IKBKB-DT: variants seen among roughly 807,000 people sequenced by gnomAD.
IKBKB-DT encodes the protein IKBKB antisense RNA.
At chr8:42,252,867 G>A (rs560797559) in intron 3 of IKBKB-DT, among the ~76,000 whole-genome samples, 19 of 152,238 alleles carry the variant, frequency 1.2e-4, no homozygotes, top group Admixed American at 4.6e-4. Flanking sequence ...GTATTGTGAC[G>A]TACTTTCCAA....
chr8:42,268,915 T>G (rs1341674405), intron 1 of IKBKB-DT, among the ~76,000 whole-genome samples: 3 of 152,206 alleles, frequency 2.0e-5, no homozygotes, highest in Non-Finnish European at 4.4e-5. Flanking sequence ...ACACTTATAT[T>G]GCACTTAGAC....
At chr8:42,239,635 T>TATATATATATATATATATATATATATA (rs56036653) in intron 3 of IKBKB-DT, among the ~76,000 whole-genome samples, 2 of 54,118 alleles carry the variant, frequency 3.7e-5, no homozygotes, top group African/African-American at 1.1e-4. Context: ...TATATATATA[T>TATATATATATATATATATATATATATA]TTATTTATTT....
At chr8:42,259,009 G>C (rs1302948067) in intron 3 of IKBKB-DT, among the ~76,000 whole-genome samples, 1 of 151,756 alleles carries the variant, frequency 6.6e-6, no homozygotes, top group East Asian at 1.9e-4. Context: ...TTTTTTCATA[G>C]CAGTTTTTCT....
chr8:42,233,731 G>A (rs1277877516), exon 4 of IKBKB-DT: 1 of 152,202 alleles, frequency 6.6e-6, no homozygotes, highest in Non-Finnish European at 1.5e-5. Flanking sequence ...CAGCAGTCGG[G>A]AGCAGAGTTT....
rs1287944961 is a variant in IKBKB-DT at position 42,239,632 on chromosome 8, A to ATATATATATT, written n.1530-5774_1530-5773insAATATATATA. Among the ~76,000 whole-genome samples, 31 of 86,968 alleles carry ATATATATATT rather than the reference A, an allele frequency of 3.6e-4. 1 individual carries two copies. The highest frequency in any genetic ancestry group is 1.0e-3 in the African/African-American group (24 of 23,052). The allele number at this position is 86,968 out of a possible 152,430, so 57.1% of individuals were successfully genotyped here. On this transcript the variant is annotated intron_variant and non_coding_transcript_variant, in intron 3 of 3. Transcript: ENST00000518213. ...AGGCAATTTATATATATATATATAT[A>ATATATATATT]TATTTATTTATTTATTCATTTTTTT...
intron 3 of IKBKB-DT, among the ~76,000 whole-genome samples, chr8:42,246,936 T>C (rs1807072127): frequency 6.6e-6 from 1 of 152,140 alleles, no homozygotes; most frequent in African/African-American, 2.4e-5. Flanking sequence ...GCAGACAACC[T>C]AGATCCCTCA....
At chr8:42,266,823 T>C (rs894089949) in intron 1 of IKBKB-DT, among the ~76,000 whole-genome samples, 3 of 152,068 alleles carry the variant, frequency 2.0e-5, no homozygotes, top group Non-Finnish European at 2.9e-5. Flanking sequence ...ACAAATGCCA[T>C]GGCAACATCA....
intron 3 of IKBKB-DT, among the ~76,000 whole-genome samples, chr8:42,261,389 G>A (rs1302894432): frequency 2.0e-5 from 3 of 151,986 alleles, no homozygotes; most frequent in Non-Finnish European, 2.9e-5. Context: ...ATGAGACCCA[G>A]AAAGGCATTT....
chr8:42,236,567 C>T (rs1334851362), intron 3 of IKBKB-DT, among the ~76,000 whole-genome samples: 2 of 152,118 alleles, frequency 1.3e-5, no homozygotes, highest in Non-Finnish European at 2.9e-5. Flanking sequence ...GAGTTTGAGA[C>T]CAGCCTGACC....
intron 3 of IKBKB-DT, among the ~76,000 whole-genome samples, chr8:42,242,123 G>A (rs1181559260): frequency 6.6e-6 from 1 of 152,168 alleles, no homozygotes; most frequent in Non-Finnish European, 1.5e-5. Context: ...GCTGAGGCAG[G>A]AGAATTGCTT....
chr8:42,239,632 A>ATATATATATAGATATATATT (rs1287944961), intron 3 of IKBKB-DT, among the ~76,000 whole-genome samples: 4 of 86,972 alleles, frequency 4.6e-5, no homozygotes, highest in African/African-American at 1.7e-4. Context: ...ATATATATAT[A>ATATATATATAGATATATATT]TATTTATTTA....
chr8:42,247,587 AATG>A (rs1261100098), intron 3 of IKBKB-DT, among the ~76,000 whole-genome samples: 1 of 152,162 alleles, frequency 6.6e-6, no homozygotes, highest in Non-Finnish European at 1.5e-5. Flanking sequence ...GCCGGAGCAG[AATG>A]ATATGGTTAG....
chr8:42,254,534 G>C (rs1019728478), intron 3 of IKBKB-DT, among the ~76,000 whole-genome samples: 1 of 150,116 alleles, frequency 6.7e-6, no homozygotes, highest in Non-Finnish European at 1.5e-5. Context: ...CCCTCTGCCC[G>C]GCTGCCAACT....
chr8:42,263,807 C>T (rs889393274), intron 2 of IKBKB-DT, among the ~76,000 whole-genome samples: 3 of 151,780 alleles, frequency 2.0e-5, no homozygotes, highest in Admixed American at 6.6e-5. Context: ...CAAATGGAGA[C>T]GCGTTTTTTT....
chr8:42,233,941 G>A (rs1311660193), intron 3 of IKBKB-DT: 1 of 152,160 alleles, frequency 6.6e-6, no homozygotes, highest in Non-Finnish European at 1.5e-5. Flanking sequence ...AATATCTCAA[G>A]CACTGATCTT....
At chr8:42,247,657 G>T (rs182966643) in intron 3 of IKBKB-DT, among the ~76,000 whole-genome samples, 1 of 152,206 alleles carries the variant, frequency 6.6e-6, no homozygotes, top group Non-Finnish European at 1.5e-5. Flanking sequence ...TGTTGAGGGA[G>T]AGACCTGGTG....
chr8:42,260,241 T>C (rs888353519), intron 3 of IKBKB-DT, among the ~76,000 whole-genome samples: 1 of 152,144 alleles, frequency 6.6e-6, no homozygotes, highest in Admixed American at 6.5e-5. Flanking sequence ...TTTCAAGCGA[T>C]GGAGACATTC....
At chr8:42,239,636 T>TATATATATATATATATATATATA (rs55662464) in intron 3 of IKBKB-DT, among the ~76,000 whole-genome samples, 583 of 27,752 alleles carry the variant, frequency 0.021, 39 homozygotes, top group Admixed American at 0.027. Flanking sequence ...ATATATATAT[T>TATATATATATATATATATATATA]TATTTATTTA....
chr8:42,244,911 G>A (rs1447968851), intron 3 of IKBKB-DT, among the ~76,000 whole-genome samples: 1 of 152,174 alleles, frequency 6.6e-6, no homozygotes, highest in East Asian at 1.9e-4. Context: ...GCATGTAGTT[G>A]CCAAATGATT....
Sources: allele counts gnomAD v4.1 joint callset (sites outside exome capture counted in the v4.1 genomes callset), GRCh38; gene constraint gnomAD v4.1.1; transcripts MANE v1.5; gene names NCBI Gene and HGNC (gene_info 2026-07-23, HGNC 2026-07-21).